The following RBFOX1 variants were observed in gnomAD, a reference collection of about 807,000 sequenced individuals.
RBFOX1 encodes the protein RNA binding protein fox-1 homolog 1.
A neutral mutation model predicts 57.7 loss-of-function variants in RBFOX1; 8 were observed. The ratio of observed to expected loss-of-function variants is 0.14; its 90% CI spans 0.08 to 0.25. The LOEUF is 0.25. RBFOX1 is among the 10% of genes least tolerant of loss of function. RBFOX1 has a pLI of 1.00. For synonymous variants in RBFOX1, 326 were observed against 222.4 expected (o/e 1.47, Z -4.15); for missense variants, 611 against 548.5 (o/e 1.11, Z -1.14).
At chr16:7,030,222 C>A (rs1030026377) in intron 3 of RBFOX1, among the ~76,000 whole-genome samples, 7 of 152,244 alleles carry the variant, frequency 4.6e-5, no homozygotes, top group African/African-American at 1.4e-4. Context: ...ATAGAGAAGG[C>A]TGTTCTTCAG....
intron 14 of RBFOX1, among the ~76,000 whole-genome samples, chr16:7,704,536 T>G (rs1248802479): frequency 6.6e-6 from 1 of 152,112 alleles, no homozygotes; most frequent in East Asian, 1.9e-4. Flanking sequence ...CCAGGCCCCA[T>G]TTCTCTCTTT....
intron 2 of RBFOX1, among the ~76,000 whole-genome samples, chr16:6,562,679 T>G (rs2097193943): frequency 6.6e-6 from 1 of 152,196 alleles, no homozygotes; most frequent in Non-Finnish European, 1.5e-5. Context: ...CTGAGTCTCT[T>G]ACTTGGAACC....
intron 3 of RBFOX1, among the ~76,000 whole-genome samples, chr16:7,046,237 GGTGTGTGT>G (rs34943266): frequency 1.0e-4 from 15 of 146,692 alleles, no homozygotes; most frequent in African/African-American, 2.7e-4. Flanking sequence ...TAGGTAAAGG[GGTGTGTGT>G]GTGTGTGTGT....
At chr16:5,830,199 C>T (rs538034580) in intron 3 of RBFOX1, among the ~76,000 whole-genome samples, 1 of 152,050 alleles carries the variant, frequency 6.6e-6, no homozygotes, top group African/African-American at 2.4e-5. Context: ...TTGTTAGAGA[C>T]CATTTGCCCC....
chr16:6,793,321 T>C (rs2083327482), intron 3 of RBFOX1, among the ~76,000 whole-genome samples: 1 of 152,152 alleles, frequency 6.6e-6, no homozygotes, highest in South Asian at 2.1e-4. Flanking sequence ...GAAATTTGAT[T>C]GGAGAAGTTG....
intron 2 of RBFOX1, among the ~76,000 whole-genome samples, chr16:6,344,974 A>G (rs988370508): frequency 3.9e-5 from 6 of 152,084 alleles, no homozygotes; most frequent in Non-Finnish European, 4.4e-5. Flanking sequence ...CTGGTCTTAC[A>G]GAATCTTTGT....
chr16:7,547,433 G>A (rs1316998758), intron 5 of RBFOX1, among the ~76,000 whole-genome samples: 2 of 152,188 alleles, frequency 1.3e-5, no homozygotes, highest in African/African-American at 2.4e-5. Context: ...CCAAAAATGA[G>A]AAGAAAAGAC....
At chr16:6,958,606 G>A (rs746216215) in intron 3 of RBFOX1, among the ~76,000 whole-genome samples, 6 of 152,120 alleles carry the variant, frequency 3.9e-5, no homozygotes, top group Non-Finnish European at 5.9e-5. Context: ...CAATGGGAAC[G>A]CACGCTCAGA....
intron 1 of RBFOX1, among the ~76,000 whole-genome samples, chr16:6,153,429 AT>A (rs1567572419): frequency 6.6e-6 from 1 of 151,942 alleles, no homozygotes; most frequent in African/African-American, 2.4e-5. Flanking sequence ...TTACCCTTTC[AT>A]TTTTTTACAT....
intron 4 of RBFOX1, among the ~76,000 whole-genome samples, chr16:5,989,096 G>A (rs1487559138): frequency 6.6e-6 from 1 of 151,698 alleles, no homozygotes; most frequent in African/African-American, 2.4e-5. Context: ...CGAGGCGGGT[G>A]GATCACGAGG....
At chr16:6,796,222 T>C (rs914638134) in intron 3 of RBFOX1, among the ~76,000 whole-genome samples, 1 of 152,120 alleles carries the variant, frequency 6.6e-6, no homozygotes. Context: ...AAGAGACTTA[T>C]TCACTATGAA....
intron 3 of RBFOX1, among the ~76,000 whole-genome samples, chr16:6,940,248 A>C (rs180916004): frequency 0.01 from 1,593 of 152,268 alleles, 11 homozygotes; most frequent in Non-Finnish European, 0.015. Context: ...TCTGGCTATC[A>C]GAGGGGCTTG....
chr16:6,642,807 G>C (rs1297830496), intron 2 of RBFOX1, among the ~76,000 whole-genome samples: 4 of 152,010 alleles, frequency 2.6e-5, no homozygotes, highest in African/African-American at 7.2e-5. Context: ...TATCCCCTTA[G>C]GCCCCCTGAA....
At chr16:6,517,641 G>A (rs1478934369) in intron 2 of RBFOX1, among the ~76,000 whole-genome samples, 2 of 152,076 alleles carry the variant, frequency 1.3e-5, no homozygotes, top group Non-Finnish European at 2.9e-5. Flanking sequence ...CAAACCCCTC[G>A]AGATAGTACT....
chr16:7,594,182 C>T (rs1283391675), intron 7 of RBFOX1, among the ~76,000 whole-genome samples: 1 of 149,768 alleles, frequency 6.7e-6, no homozygotes, highest in Non-Finnish European at 1.5e-5. Flanking sequence ...GTGGTCAATA[C>T]CTCTTTAGCC....
intron 2 of RBFOX1, among the ~76,000 whole-genome samples, chr16:5,515,338 C>T (rs183839838): frequency 1.3e-5 from 2 of 152,338 alleles, no homozygotes; most frequent in East Asian, 1.9e-4. Flanking sequence ...GCTGCAAAGC[C>T]CCCACCTCAC....
chr16:5,842,323 G>C (rs571319754), intron 3 of RBFOX1, among the ~76,000 whole-genome samples: 13 of 152,162 alleles, frequency 8.5e-5, no homozygotes, highest in Non-Finnish European at 1.5e-4. Context: ...AAGCTGATGC[G>C]AGCTGCTTCT....
chr16:7,056,514 C>T (rs1195265498), intron 4 of RBFOX1, among the ~76,000 whole-genome samples: 2 of 152,084 alleles, frequency 1.3e-5, no homozygotes, highest in Non-Finnish European at 2.9e-5. Flanking sequence ...TGACCATATC[C>T]AATTATCAAC....
intron 1 of RBFOX1, among the ~76,000 whole-genome samples, chr16:5,420,883 C>T (rs1215305057): frequency 3.7e-5 from 5 of 136,942 alleles, no homozygotes; most frequent in African/African-American, 5.4e-5. Flanking sequence ...CCCTCCCTCC[C>T]CCTCCTCCTC....
Sources: allele counts gnomAD v4.1 joint callset (sites outside exome capture counted in the v4.1 genomes callset), GRCh38; gene constraint gnomAD v4.1.1; transcripts MANE v1.5; gene names NCBI Gene and HGNC (gene_info 2026-07-23, HGNC 2026-07-21).